SLC44A5: variants seen among roughly 807,000 people sequenced by gnomAD.
SLC44A5 encodes solute carrier family 44 member 5.
A neutral mutation model predicts 101.8 loss-of-function variants in SLC44A5; 57 were observed. The observed-to-expected ratio is 0.56, with a 90% CI of 0.45 to 0.70. The LOEUF is 0.70. Ranked by LOEUF, SLC44A5 falls within the 30% of genes least tolerant of loss-of-function variation. The pLI is 0.00. For synonymous variants in SLC44A5, 281 were observed against 290.9 expected, an observed-to-expected ratio of 0.97 and a Z score of 0.35; for missense variants, 737 against 853.1, an observed-to-expected ratio of 0.86 and a Z score of 1.70.
the SLC44A5 span, among the ~76,000 whole-genome samples, chr1:75,674,621 C>G: frequency 4.5e-4 from 9 of 19,988 alleles, no homozygotes; most frequent in African/African-American, 4.9e-4. Flanking sequence ...CTCGGGTGAT[C>G]CCCCCCAACC....
At chr1:75,517,301 C>T (rs527620633) in intron 2 of SLC44A5, among the ~76,000 whole-genome samples, 1 of 151,656 alleles carries the variant, frequency 6.6e-6, no homozygotes, top group Non-Finnish European at 1.5e-5. Context: ...TAAATAAACA[C>T]ACAGTGAGAG....
At chr1:75,446,321 G>T (rs1177357824) in intron 2 of SLC44A5, among the ~76,000 whole-genome samples, 1 of 152,014 alleles carries the variant, frequency 6.6e-6, no homozygotes, top group Non-Finnish European at 1.5e-5. Flanking sequence ...ATCTACTTCA[G>T]CCATACCAGT....
intron 2 of SLC44A5, among the ~76,000 whole-genome samples, chr1:75,425,638 T>C (rs1483344009): frequency 2.6e-5 from 4 of 152,104 alleles, no homozygotes; most frequent in African/African-American, 9.7e-5. Context: ...TACTAGAGAG[T>C]AAAGACCATG....
chr1:75,536,786 C>A (rs1284937924), intron 2 of SLC44A5, among the ~76,000 whole-genome samples: 1 of 146,032 alleles, frequency 6.8e-6, no homozygotes, highest in Non-Finnish European at 1.5e-5. Context: ...GCGGGCGGAT[C>A]ACGAGGTCAG....
At chr1:75,216,634 A>G (rs1198952082) in intron 18 of SLC44A5, among the ~76,000 whole-genome samples, 1 of 151,750 alleles carries the variant, frequency 6.6e-6, no homozygotes, top group Non-Finnish European at 1.5e-5. Flanking sequence ...TTGTTTTTAT[A>G]TATATATAAT....
chr1:75,594,380 C>T (rs1674521820), intron 1 of SLC44A5, among the ~76,000 whole-genome samples: 1 of 151,896 alleles, frequency 6.6e-6, no homozygotes, highest in Non-Finnish European at 1.5e-5. Flanking sequence ...ATCCAAATGT[C>T]ATTAGTGTCT....
At chr1:75,677,665 C>A in the SLC44A5 span, 1 of 400,272 alleles carries the variant, frequency 2.5e-6, no homozygotes, top group Non-Finnish European at 4.8e-6. Context: ...ACAAACTCTC[C>A]AATAAAAAAA....
In SLC44A5 at chr1:75,210,517, C is replaced by T. The variant is rs187984137; in HGVS notation, c.2047+951G>A. On this transcript the variant is annotated intron_variant, in intron 23 of 23. Coordinates refer to ENST00000370859, the MANE Select transcript of SLC44A5 (RefSeq NM_001130058.2). Reference sequence around the variant, plus strand: ...GAGGCACTCCTCTCCGAATCCTATCCATTTGTCATTGTGATGCACAGTGCG... The same window carrying T: ...GAGGCACTCCTCTCCGAATCCTATCTATTTGTCATTGTGATGCACAGTGCG... Among the ~76,000 whole-genome samples the T allele has an allele frequency of 1.6e-4, 24 of 152,264 alleles. No homozygotes were observed. In the East Asian group the frequency reaches 4.6e-3, roughly 29 times the overall value.
chr1:75,575,263 G>C lies in SLC44A5; in HGVS notation c.-69-33747C>G, dbSNP rs169832. On this transcript the variant is annotated intron_variant, in intron 1 of 23. Transcript: ENST00000370859. The stretch of plus-strand genomic sequence containing the variant: ...GCTTCCCCCACATGTGTCATTATTT[G>C]TAAGTATGAACTAAAATGATTTCAG... Among the ~76,000 whole-genome samples the C allele has an allele frequency of 5.0e-3, 764 of 152,168 alleles. 5 individuals carry two copies. The highest frequency in any genetic ancestry group is 0.015 in the African/African-American group (614 of 41,504).
At chr1:75,401,143 C>T (rs1662450944) in intron 2 of SLC44A5, among the ~76,000 whole-genome samples, 1 of 152,190 alleles carries the variant, frequency 6.6e-6, no homozygotes, top group South Asian at 2.1e-4. Context: ...GAGAAAGAGG[C>T]TGGTTATAAA....
At position 75,519,074 on chromosome 1, in the gene SLC44A5, A is replaced by T. The variant is rs114082230; in HGVS notation, c.13+22361T>A. On this transcript the variant is annotated intron_variant, in intron 2 of 23. Transcript: ENST00000370859. ...TAAAAATAAATCATTACTAGCTCTT[A>T]TTTTTTCATTTGAACCCACAAACAG... is the stretch of plus-strand genomic sequence containing the variant. Among the ~76,000 whole-genome samples, 1,405 of 152,150 alleles carry T rather than the reference A, an allele frequency of 9.2e-3. 22 individuals are homozygous for T. The highest frequency in any genetic ancestry group is 0.032 in the African/African-American group (1,337 of 41,478).
chr1:75,582,607 C>T (rs1043052465), intron 1 of SLC44A5: 1 of 310,948 alleles, frequency 3.2e-6, no homozygotes, highest in Non-Finnish European at 5.9e-6. Flanking sequence ...TGGTGTGACC[C>T]GCCCTGCACT....
intron 2 of SLC44A5, among the ~76,000 whole-genome samples, chr1:75,492,658 G>T (rs1668483141): frequency 6.6e-6 from 1 of 152,148 alleles, no homozygotes; most frequent in South Asian, 2.1e-4. Context: ...CTAAGGAAGT[G>T]CCATAAAGGC....
In SLC44A5 at chr1:75,211,496, C is replaced by T. The variant is rs886488229; in HGVS notation, c.2019G>A (p.Met673Ile). 1.2e-6 allele frequency: 2 copies of T among 1,612,684 alleles called. No homozygotes were observed. The highest frequency in any genetic ancestry group is 1.7e-6 in the Non-Finnish European group (2 of 1,179,086). Residue 673 changes from methionine (M) to isoleucine (I), a missense_variant, in exon 23 of 24, where the codon ATG (methionine) becomes ATA (isoleucine). Physicochemically the swap from Met to Ile is conservative, Grantham distance 10 (BLOSUM62 1). Transcript: ENST00000370859. ...AGCAGATGAAAATTGTTTCAACACA[C>T]ATTGCATAGACGCTGAAGAACCCAT... Reference protein sequence around the residue: ...IAHGFFSVYAMCVETIFICFL... With the variant: ...IAHGFFSVYAICVETIFICFL...
At chr1:75,445,043 G>A (rs1308672390) in intron 2 of SLC44A5, among the ~76,000 whole-genome samples, 1 of 152,058 alleles carries the variant, frequency 6.6e-6, no homozygotes, top group Non-Finnish European at 1.5e-5. Context: ...AATTCTCTTG[G>A]TATTTCCTCA....
At chr1:75,384,742 A>C (rs1661176783) in intron 3 of SLC44A5, among the ~76,000 whole-genome samples, 1 of 135,622 alleles carries the variant, frequency 7.4e-6, no homozygotes, top group Admixed American at 7.6e-5. Context: ...ACCCCAAATC[A>C]ACAGAATATA....
chr1:75,363,340 AG>A (rs1659632692), intron 3 of SLC44A5, among the ~76,000 whole-genome samples: 1 of 151,836 alleles, frequency 6.6e-6, no homozygotes, highest in South Asian at 2.1e-4. Context: ...GCCATTTTAA[AG>A]TTATTTTTGG....
the SLC44A5 span, among the ~76,000 whole-genome samples, chr1:75,703,457 A>G: frequency 1.3e-5 from 2 of 151,974 alleles, no homozygotes; most frequent in Non-Finnish European, 2.9e-5. Flanking sequence ...TGGGAATTGA[A>G]CAATAAGAAC....
At chr1:75,667,011 C>T in the SLC44A5 span, among the ~76,000 whole-genome samples, 2 of 152,220 alleles carry the variant, frequency 1.3e-5, no homozygotes, top group African/African-American at 2.4e-5. Context: ...GAAGCATTCC[C>T]TCTGAAAACC....
Sources: allele counts gnomAD v4.1 joint callset (sites outside exome capture counted in the v4.1 genomes callset), GRCh38; gene constraint gnomAD v4.1.1; transcripts MANE v1.5; gene names NCBI Gene and HGNC (gene_info 2026-07-23, HGNC 2026-07-21).